Variants in PTPN12 observed in about 807,000 individuals in gnomAD.
PTPN12 encodes protein tyrosine phosphatase non-receptor type 12.
Under a neutral mutation model 97.6 loss-of-function variants are expected in PTPN12, and 29 were observed. The ratio of observed to expected loss-of-function variants is 0.30; its 90% confidence interval spans 0.22 to 0.41. The LOEUF (loss-of-function observed/expected upper bound fraction) is 0.41. PTPN12 is among the 10% of genes least tolerant of loss of function. PTPN12 has a pLI of 1.00. For synonymous variants in PTPN12, 327 were observed against 300.4 expected (o/e 1.09, Z -0.91); for missense variants, 819 against 926.0 (o/e 0.88, Z 1.50).
At chr7:77,601,769 C>T (rs1476325609) in intron 8 of PTPN12, among the ~76,000 whole-genome samples, 1 of 152,018 alleles carries the variant, frequency 6.6e-6, no homozygotes, top group Non-Finnish European at 1.5e-5. Context: ...CATCAGTTTC[C>T]ACGTTTGCAC....
chr7:77,638,217 C>T (rs1181298639), intron 16 of PTPN12, among the ~76,000 whole-genome samples: 1 of 151,772 alleles, frequency 6.6e-6, no homozygotes, highest in Non-Finnish European at 1.5e-5. Context: ...CTCGGCCTCC[C>T]AAAGTGCTGG....
intron 1 of PTPN12, among the ~76,000 whole-genome samples, chr7:77,543,581 G>C (rs1410278555): frequency 6.6e-6 from 1 of 152,052 alleles, no homozygotes; most frequent in Non-Finnish European, 1.5e-5. Context: ...TGATTCACTA[G>C]TTTTTTATTA....
At chr7:77,623,381 A>T (rs1450630904) in intron 12 of PTPN12, among the ~76,000 whole-genome samples, 1 of 152,202 alleles carries the variant, frequency 6.6e-6, no homozygotes, top group Non-Finnish European at 1.5e-5. Flanking sequence ...ACTGTTAAGG[A>T]TATATGGGGT....
intron 1 of PTPN12, among the ~76,000 whole-genome samples, chr7:77,552,960 TTAAA>T (rs535621447): frequency 3.0e-4 from 46 of 152,316 alleles, no homozygotes; most frequent in East Asian, 9.6e-4. Context: ...AAGTGAGAAG[TTAAA>T]TAAATAGGAG....
intron 12 of PTPN12, among the ~76,000 whole-genome samples, chr7:77,622,782 A>G (rs1216662853): frequency 6.6e-6 from 1 of 152,014 alleles, no homozygotes; most frequent in Non-Finnish European, 1.5e-5. Flanking sequence ...AAAAAAAAAG[A>G]AAGAAAGAAA....
intron 14 of PTPN12, among the ~76,000 whole-genome samples, chr7:77,635,383 C>T (rs548229076): frequency 1.3e-5 from 2 of 152,262 alleles, no homozygotes; most frequent in East Asian, 1.9e-4. Context: ...GAGCCGAGAT[C>T]GCGCCTGGTC....
intron 1 of PTPN12, among the ~76,000 whole-genome samples, chr7:77,539,782 C>T (rs1806863840): frequency 6.6e-6 from 1 of 152,128 alleles, no homozygotes; most frequent in African/African-American, 2.4e-5. Context: ...GCACGTGCCA[C>T]CACGCCCGGC....
intron 8 of PTPN12, among the ~76,000 whole-genome samples, chr7:77,604,209 C>CTTTTTTTTTTTTTTTTTTT (rs71082768): frequency 1.9e-5 from 1 of 52,790 alleles, no homozygotes; most frequent in Non-Finnish European, 3.1e-5. Context: ...TTTTTTCTTC[C>CTTTTTTTTTTTTTTTTTTT]TTTTTTTTTT....
At chr7:77,609,038 G>T (rs1054184011) in intron 9 of PTPN12, among the ~76,000 whole-genome samples, 3 of 152,000 alleles carry the variant, frequency 2.0e-5, no homozygotes, top group Admixed American at 6.6e-5. Flanking sequence ...TGGCCAACAT[G>T]GTGAAACCCC....
Position 77,537,369 on chromosome 7 carries a change from C to A in PTPN12, c.-178C>A. On this transcript the variant is annotated 5_prime_UTR_variant, in exon 1 of 18. Coordinates refer to ENST00000248594, the MANE Select transcript of PTPN12 (RefSeq NM_002835.4). ...GGAAGTTGTGGTGTCGGGAGCCCAG[C>A]CGGTGCCGCCGCAGCCGCCGCCTAG... 1.2e-6 allele frequency: 1 copy of A among 825,804 alleles called. No homozygotes were observed. Among genetic ancestry groups the A allele is most frequent in the Non-Finnish European group, 1.7e-6 (1 of 586,336 alleles). 51.2% of individuals were successfully genotyped at this position (825,804 alleles called of 1,614,324 possible).
chr7:77,556,925 C>A (rs1208596362), intron 1 of PTPN12, among the ~76,000 whole-genome samples: 1 of 151,840 alleles, frequency 6.6e-6, no homozygotes, highest in Non-Finnish European at 1.5e-5. Flanking sequence ...AATGTGGGGT[C>A]CCCTTTGGAT....
intron 2 of PTPN12, among the ~76,000 whole-genome samples, chr7:77,574,952 C>T (rs555439802): frequency 4.6e-5 from 7 of 152,074 alleles, no homozygotes; most frequent in Non-Finnish European, 8.8e-5. Flanking sequence ...GTGCCTCAGC[C>T]TCCCAAGTAG....
chr7:77,631,027 C>G (rs1423978757), intron 13 of PTPN12, among the ~76,000 whole-genome samples: 1 of 152,138 alleles, frequency 6.6e-6, no homozygotes, highest in African/African-American at 2.4e-5. Context: ...AAGGGCTGAA[C>G]TGCCCTTTTT....
At chr7:77,599,525 A>G (rs1788127977) in intron 7 of PTPN12, among the ~76,000 whole-genome samples, 1 of 152,056 alleles carries the variant, frequency 6.6e-6, no homozygotes, top group Non-Finnish European at 1.5e-5. Context: ...CCTGGCCTTG[A>G]GTGATCTTGC....
At chr7:77,549,219 C>T (rs967380790) in intron 1 of PTPN12, among the ~76,000 whole-genome samples, 22 of 152,182 alleles carry the variant, frequency 1.4e-4, no homozygotes, top group African/African-American at 4.3e-4. Context: ...GATAACTAGG[C>T]GGGCAGTCCA....
At chr7:77,620,942 T>C (rs1466264467) in intron 12 of PTPN12, among the ~76,000 whole-genome samples, 2 of 151,388 alleles carry the variant, frequency 1.3e-5, no homozygotes. Context: ...AGCGAGACTT[T>C]GTCTCAAAAA....
chr7:77,567,881 A>C (rs1007942402), intron 1 of PTPN12, among the ~76,000 whole-genome samples: 5 of 152,230 alleles, frequency 3.3e-5, no homozygotes, highest in African/African-American at 1.2e-4. Context: ...TCTCAGTTTT[A>C]TAGATGAGAC....
At chr7:77,575,790 T>G (rs1193529475) in intron 2 of PTPN12, among the ~76,000 whole-genome samples, 1 of 152,192 alleles carries the variant, frequency 6.6e-6, no homozygotes, top group African/African-American at 2.4e-5. Flanking sequence ...GTATAGATTT[T>G]CCTTTTCTGT....
At chr7:77,570,202 A>G (rs1808415524) in intron 1 of PTPN12, among the ~76,000 whole-genome samples, 2 of 152,226 alleles carry the variant, frequency 1.3e-5, no homozygotes, top group Non-Finnish European at 2.9e-5. Flanking sequence ...TTTTTCAAAG[A>G]AAAAGAAAGG....
Sources: gnomAD v4.1 joint callset for allele counts (sites outside exome capture counted in the v4.1 genomes callset) on GRCh38, gnomAD v4.1.1 for gene constraint, MANE v1.5 for transcripts, NCBI Gene and HGNC (gene_info 2026-07-23, HGNC 2026-07-21) for gene names.